Variants in CNTNAP2 observed in about 807,000 individuals in gnomAD.
CNTNAP2 encodes contactin associated protein 2, also known as contactin-associated protein-like 2.
A neutral mutation model predicts 155.2 loss-of-function variants in CNTNAP2; 98 were observed. The observed-to-expected ratio is 0.63, with a 90% confidence interval of 0.54 to 0.75. The LOEUF (loss-of-function observed/expected upper bound fraction) is 0.75. Ranked by LOEUF, CNTNAP2 falls within the 30% of genes least tolerant of loss-of-function variation. The pLI, the probability that CNTNAP2 is intolerant of heterozygous loss-of-function variation, is 0.00. For synonymous variants in CNTNAP2, 651 were observed against 631.2 expected, an observed-to-expected ratio of 1.03 and a Z score of -0.47; for missense variants, 1,727 against 1,688.1, an observed-to-expected ratio of 1.02 and a Z score of -0.40.
chr7:147,376,751 A>G (rs1365475128), intron 9 of CNTNAP2, among the ~76,000 whole-genome samples: 1 of 151,982 alleles, frequency 6.6e-6, no homozygotes, highest in Non-Finnish European at 1.5e-5. Context: ...ATGATGCACA[A>G]TAACTTAATA....
At chr7:147,409,715 A>G (rs1262977474) in intron 10 of CNTNAP2, among the ~76,000 whole-genome samples, 1 of 152,110 alleles carries the variant, frequency 6.6e-6, no homozygotes, top group African/African-American at 2.4e-5. Context: ...AAGAAACACA[A>G]TCCCACTAAA....
intron 1 of CNTNAP2, among the ~76,000 whole-genome samples, chr7:146,545,274 A>C (rs1487764922): frequency 6.6e-6 from 1 of 152,006 alleles, no homozygotes; most frequent in African/African-American, 2.4e-5. Context: ...CAGAATTGTA[A>C]TATCAGCTAC....
intron 1 of CNTNAP2, among the ~76,000 whole-genome samples, chr7:146,413,632 G>A (rs1002821909): frequency 1.3e-5 from 2 of 151,646 alleles, no homozygotes; most frequent in Non-Finnish European, 2.9e-5. Flanking sequence ...CCTTTTACTT[G>A]TTCTTCTTCT....
At chr7:148,256,297 C>T (rs1796452396) in intron 20 of CNTNAP2, among the ~76,000 whole-genome samples, 1 of 152,102 alleles carries the variant, frequency 6.6e-6, no homozygotes, top group African/African-American at 2.4e-5. Context: ...GCTCAAAGCC[C>T]CCAGAGACAT....
At chr7:147,680,312 T>G (rs973223021) in intron 13 of CNTNAP2, among the ~76,000 whole-genome samples, 3 of 151,930 alleles carry the variant, frequency 2.0e-5, no homozygotes, top group Non-Finnish European at 4.4e-5. Flanking sequence ...TTTTCACCTT[T>G]GTAATAACTA....
intron 1 of CNTNAP2, among the ~76,000 whole-genome samples, chr7:146,232,556 A>G (rs1799403541): frequency 6.6e-6 from 1 of 151,966 alleles, no homozygotes; most frequent in South Asian, 2.1e-4. Flanking sequence ...ATATTAGCCT[A>G]TAAGAATCTA....
chr7:147,596,719 G>T (rs1010804697), intron 12 of CNTNAP2, among the ~76,000 whole-genome samples: 1 of 152,084 alleles, frequency 6.6e-6, no homozygotes, highest in Non-Finnish European at 1.5e-5. Flanking sequence ...GTGAAATAAG[G>T]CTGAGACCTA....
intron 13 of CNTNAP2, among the ~76,000 whole-genome samples, chr7:147,813,224 CT>C (rs1337695353): frequency 3.3e-5 from 5 of 151,842 alleles, no homozygotes; most frequent in Non-Finnish European, 7.4e-5. Context: ...AATAAAATAA[CT>C]TTACCAAAAA....
rs541321185 is a variant in CNTNAP2 at position 146,368,320 on chromosome 7, T to A, written c.97+251347T>A. ...ACACAGACATAAACATATATATGTA[T>A]GTATGCATATAAAACAAATAAGATA... On this transcript the variant is annotated intron_variant, in intron 1 of 23. Coordinates refer to ENST00000361727, the MANE Select transcript of CNTNAP2 (RefSeq NM_014141.6). Among the ~76,000 whole-genome samples, 6 of 152,290 alleles carry A rather than the reference T, an allele frequency of 3.9e-5. 1 individual carries two copies. The South Asian group carries it at 1.2e-3, about 32-fold the overall frequency.
At chr7:146,186,993 T>A (rs918845484) in intron 1 of CNTNAP2, among the ~76,000 whole-genome samples, 2 of 152,194 alleles carry the variant, frequency 1.3e-5, no homozygotes, top group Non-Finnish European at 2.9e-5. Flanking sequence ...TCCTAGTTAC[T>A]CCACTAGCCC....
intron 13 of CNTNAP2, among the ~76,000 whole-genome samples, chr7:147,720,736 G>A (rs1006663519): frequency 1.3e-5 from 2 of 152,024 alleles, no homozygotes; most frequent in South Asian, 2.1e-4. Context: ...AAAGTACCTC[G>A]CTTCCCTTTC....
intron 1 of CNTNAP2, among the ~76,000 whole-genome samples, chr7:146,667,978 A>G (rs1800227678): frequency 6.6e-6 from 1 of 151,968 alleles, no homozygotes; most frequent in Admixed American, 6.6e-5. Flanking sequence ...TCATTTCCCA[A>G]TTGCTCTGGC....
In CNTNAP2 at chr7:146,971,263, A is replaced by G. The variant is rs183430255; in HGVS notation, c.403-72644A>G. ...TTTTTCCCTAAAATATTATTGTACA[A>G]AGAGAGAACTCTTAATAAATGTTGA... On this transcript the variant is annotated intron_variant, in intron 3 of 23. Transcript: ENST00000361727. Among the ~76,000 whole-genome samples, 10 of 152,318 alleles carry G rather than the reference A, an allele frequency of 6.6e-5. No individual in the cohort carries two copies. In the South Asian group the frequency reaches 8.3e-4, roughly 13 times the overall value.
chr7:146,121,573 CTGA>C (rs1260019549), intron 1 of CNTNAP2, among the ~76,000 whole-genome samples: 1 of 152,090 alleles, frequency 6.6e-6, no homozygotes, highest in Non-Finnish European at 1.5e-5. Flanking sequence ...ATCTCTAGTC[CTGA>C]TTTGTGAAGT....
At chr7:146,870,626 G>A (rs1410878559) in intron 3 of CNTNAP2, among the ~76,000 whole-genome samples, 1 of 152,232 alleles carries the variant, frequency 6.6e-6, no homozygotes, top group Non-Finnish European at 1.5e-5. Context: ...GTGGAAATCA[G>A]AGGCTGCTCA....
intron 3 of CNTNAP2, among the ~76,000 whole-genome samples, chr7:146,852,735 A>G (rs531053342): frequency 2.0e-5 from 3 of 152,304 alleles, no homozygotes; most frequent in African/African-American, 7.2e-5. Flanking sequence ...TTGAATTGCT[A>G]ATTTCATTTG....
rs150375570 is a variant in CNTNAP2 at position 146,420,083 on chromosome 7, A to G, written c.97+303110A>G. Among the ~76,000 whole-genome samples, 482 of 152,248 alleles carry G rather than the reference A, an allele frequency of 3.2e-3. 1 individual carries two copies. Among genetic ancestry groups the G allele is most frequent in the African/African-American group, 0.01 (432 of 41,576 alleles). ...AGAAGAAACGGAGCTCTGTTGAATA[A>G]CTTTTTCAGAGATTCCTGTAGCCCA... On this transcript the variant is annotated intron_variant, in intron 1 of 23. Transcript: ENST00000361727.
intron 1 of CNTNAP2, among the ~76,000 whole-genome samples, chr7:146,548,645 A>G (rs1798065837): frequency 6.6e-6 from 1 of 151,952 alleles, no homozygotes; most frequent in Non-Finnish European, 1.5e-5. Flanking sequence ...CTTTGGATGA[A>G]AGTCTGGTCA....
intron 1 of CNTNAP2, among the ~76,000 whole-genome samples, chr7:146,652,926 C>T (rs1001195043): frequency 8.5e-5 from 13 of 152,146 alleles, no homozygotes; most frequent in Admixed American, 7.9e-4. Context: ...CATCCAGAGA[C>T]TGTGGAGTCT....
Sources: gnomAD v4.1 joint callset for allele counts (sites outside exome capture counted in the v4.1 genomes callset) on GRCh38, gnomAD v4.1.1 for gene constraint, MANE v1.5 for transcripts, NCBI Gene and HGNC (gene_info 2026-07-23, HGNC 2026-07-21) for gene names.